ROBO2: variants seen among roughly 807,000 people sequenced by gnomAD.
ROBO2 encodes the protein roundabout homolog 2.
Under a neutral mutation model 160.8 loss-of-function variants are expected in ROBO2, and 53 were observed. The ratio of observed to expected loss-of-function variants is 0.33; its 90% confidence interval spans 0.26 to 0.41. ROBO2 has a LOEUF of 0.41. ROBO2 is among the 10% of genes least tolerant of loss of function. ROBO2 has a pLI of 1.00. For synonymous variants in ROBO2, 664 were observed against 611.7 expected (o/e 1.09, Z -1.26); for missense variants, 1,577 against 1,722.4 (o/e 0.92, Z 1.49).
intron 2 of ROBO2, among the ~76,000 whole-genome samples, chr3:76,225,911 A>G (rs1367992926): frequency 6.6e-6 from 1 of 152,138 alleles, no homozygotes; most frequent in African/African-American, 2.4e-5. Flanking sequence ...CCAAGTTCCA[A>G]ATTCTATGAT....
intron 2 of ROBO2, among the ~76,000 whole-genome samples, chr3:77,389,396 G>A (rs2074476357): frequency 1.3e-5 from 2 of 152,056 alleles, no homozygotes; most frequent in African/African-American, 4.8e-5. Flanking sequence ...TAACTGTTCA[G>A]TAGCCCCATG....
intron 2 of ROBO2, among the ~76,000 whole-genome samples, chr3:77,158,753 C>T (rs905298423): frequency 1.1e-4 from 16 of 152,100 alleles, no homozygotes; most frequent in East Asian, 7.8e-4. Context: ...GTGTTCAGTG[C>T]GGAGCTGTTA....
At position 76,647,265 on chromosome 3, in the gene ROBO2, C is replaced by A. The variant is rs897121907; in HGVS notation, c.110-450749C>A. Reference sequence around the variant, plus strand: ...GGGGGGAAATGCAAACTGGATTCCACTGCTGCTACAAGAAATTTCCGTGGT... The same window carrying A: ...GGGGGGAAATGCAAACTGGATTCCAATGCTGCTACAAGAAATTTCCGTGGT... On this transcript the variant is annotated intron_variant, in intron 2 of 26. Coordinates refer to the ROBO2 transcript ENST00000487694. Among the ~76,000 whole-genome samples, 5 of 152,284 alleles carry A rather than the reference C, an allele frequency of 3.3e-5. 1 individual carries two copies. Among genetic ancestry groups the A allele is most frequent in the Middle Eastern group, 6.8e-3 (2 of 294 alleles).
At chr3:76,705,591 T>C (rs544626529) in intron 2 of ROBO2, among the ~76,000 whole-genome samples, 8 of 152,204 alleles carry the variant, frequency 5.3e-5, no homozygotes, top group South Asian at 4.1e-4. Context: ...AGTAGAATCA[T>C]TGGGGAGAAA....
chr3:76,982,957 CTT>C (rs1466612434), intron 2 of ROBO2, among the ~76,000 whole-genome samples: 1 of 152,108 alleles, frequency 6.6e-6, no homozygotes, highest in East Asian at 1.9e-4. Flanking sequence ...TTAAAGAAAA[CTT>C]AGCATAGCTA....
chr3:76,381,645 C>T (rs542334462), intron 2 of ROBO2, among the ~76,000 whole-genome samples: 5 of 152,106 alleles, frequency 3.3e-5, no homozygotes, highest in South Asian at 4.2e-4. Context: ...CACTGTGCCC[C>T]GCCTATTATT....
At chr3:76,780,200 T>C (rs1375791725) in intron 2 of ROBO2, among the ~76,000 whole-genome samples, 1 of 150,600 alleles carries the variant, frequency 6.6e-6, no homozygotes, top group Non-Finnish European at 1.5e-5. Context: ...TTTTTTTTTG[T>C]TTGTTTGTTT....
intron 2 of ROBO2, among the ~76,000 whole-genome samples, chr3:77,348,216 C>T (rs1485894182): frequency 5.3e-5 from 8 of 152,110 alleles, no homozygotes; most frequent in Non-Finnish European, 7.4e-5. Context: ...TTTTAAAGAA[C>T]GGCTACTCCA....
chr3:77,040,696 G>C, exon 1 of ROBO2: 1 of 1,607,848 alleles, frequency 6.2e-7, no homozygotes, highest in African/African-American at 1.3e-5. Flanking sequence ...CTAAACTTTG[G>C]ACCTACCTCT....
chr3:76,091,756 A>G (rs1422290083), intron 2 of ROBO2, among the ~76,000 whole-genome samples: 2 of 152,182 alleles, frequency 1.3e-5, no homozygotes, highest in African/African-American at 4.8e-5. Flanking sequence ...TTTGAAAAGA[A>G]ATAAACTATC....
chr3:76,776,339 T>C (rs1246433901), intron 2 of ROBO2, among the ~76,000 whole-genome samples: 2 of 151,058 alleles, frequency 1.3e-5, no homozygotes, highest in Non-Finnish European at 3.0e-5. Context: ...ATTTGTTTGA[T>C]GTTTTTATGT....
At chr3:76,305,376 G>GTGGGACTC (rs2071284077) in intron 2 of ROBO2, among the ~76,000 whole-genome samples, 1 of 91,030 alleles carries the variant, frequency 1.1e-5, no homozygotes, top group African/African-American at 5.0e-5. Context: ...GGGTGACAGA[G>GTGGGACTC]CAAGATCTGT....
At chr3:76,393,520 T>G (rs1334969827) in intron 2 of ROBO2, among the ~76,000 whole-genome samples, 1 of 152,212 alleles carries the variant, frequency 6.6e-6, no homozygotes, top group African/African-American at 2.4e-5. Flanking sequence ...TTTGTTTTTA[T>G]AAACTTTGAC....
intron 2 of ROBO2, among the ~76,000 whole-genome samples, chr3:76,095,561 G>A (rs958937870): frequency 1.3e-5 from 2 of 152,190 alleles, no homozygotes; most frequent in South Asian, 4.1e-4. Context: ...CTCCATGGTT[G>A]TCTATATATG....
intron 2 of ROBO2, among the ~76,000 whole-genome samples, chr3:76,040,756 G>A (rs1446988167): frequency 6.6e-6 from 1 of 152,068 alleles, no homozygotes; most frequent in East Asian, 1.9e-4. Flanking sequence ...GGGAGGCCAA[G>A]GAGGGTGGAT....
intron 2 of ROBO2, among the ~76,000 whole-genome samples, chr3:77,292,426 C>T (rs2061411535): frequency 6.6e-6 from 1 of 151,236 alleles, no homozygotes; most frequent in African/African-American, 2.4e-5. Flanking sequence ...AACGGATAAG[C>T]TGAGGCTAGA....
intron 2 of ROBO2, among the ~76,000 whole-genome samples, chr3:76,171,042 G>C (rs2073020864): frequency 6.6e-6 from 1 of 152,104 alleles, no homozygotes. Flanking sequence ...TGAGATGACT[G>C]CCTTCAGAGA....
At chr3:77,394,183 T>TA (rs2075034504) in intron 2 of ROBO2, among the ~76,000 whole-genome samples, 1 of 152,222 alleles carries the variant, frequency 6.6e-6, no homozygotes, top group African/African-American at 2.4e-5. Context: ...CCATCTTCCA[T>TA]AAAAAAGCAA....
intron 2 of ROBO2, among the ~76,000 whole-genome samples, chr3:76,824,092 G>A (rs1177927862): frequency 6.6e-6 from 1 of 152,178 alleles, no homozygotes; most frequent in Non-Finnish European, 1.5e-5. Context: ...TCTTCTGCAT[G>A]GTCAAAGCTG....
Sources: allele counts gnomAD v4.1 joint callset (sites outside exome capture counted in the v4.1 genomes callset), GRCh38; gene constraint gnomAD v4.1.1; transcripts MANE v1.5; gene names NCBI Gene and HGNC (gene_info 2026-07-23, HGNC 2026-07-21).